The following ABCC9 variants were observed in gnomAD, a reference collection of about 807,000 sequenced individuals.
ABCC9 encodes the protein ATP-binding cassette sub-family C member 9.
In ABCC9, 95 loss-of-function variants were observed where a neutral mutation model predicts 188.3. The observed-to-expected ratio is 0.50, with a 90% CI of 0.43 to 0.60. The LOEUF is 0.60. Ranked by LOEUF, ABCC9 falls within the 20% of genes least tolerant of loss-of-function variation. The probability of loss-of-function intolerance (pLI) is 0.00; values close to 1 mark genes in which losing one functional copy is unlikely to be tolerated. For synonymous variants in ABCC9, 659 were observed against 652.7 expected, an observed-to-expected ratio of 1.01 and a Z score of -0.15; for missense variants, 1,102 against 1,876.3, an observed-to-expected ratio of 0.59 and a Z score of 7.62.
intron 5 of ABCC9, chr12:21,923,685 A>G: frequency 3.4e-6 from 2 of 589,350 alleles, no homozygotes; most frequent in Non-Finnish European, 6.0e-6. Flanking sequence ...ATAAAAAATG[A>G]TACAAACATT....
intron 4 of ABCC9, among the ~76,000 whole-genome samples, chr12:21,929,957 A>G (rs897181169): frequency 2.0e-5 from 3 of 150,332 alleles, no homozygotes; most frequent in African/African-American, 4.9e-5. Context: ...TACATTAGGT[A>G]TATCTCCTAA....
chr12:21,848,344 C>T (rs1944790614), intron 24 of ABCC9, 98 bp from the exon 25 acceptor site: 5 of 1,077,480 alleles, frequency 4.6e-6, no homozygotes. Flanking sequence ...GTTACCTTTA[C>T]CAATCTCAAG....
chr12:21,898,999 C>T (rs138197122), intron 12 of ABCC9, among the ~76,000 whole-genome samples: 25 of 152,270 alleles, frequency 1.6e-4, no homozygotes, highest in East Asian at 1.4e-3. Context: ...AATATCACAT[C>T]ATAAGCTCCC....
At chr12:21,810,060 T>G in intron 36 of ABCC9, 105 bp from the exon 37 acceptor site, 1 of 764,244 alleles carries the variant, frequency 1.3e-6, no homozygotes, top group Non-Finnish European at 2.2e-6. Context: ...TCCATTTGTT[T>G]TGGTTACTGC....
intron 3 of ABCC9, 96 bp from the exon 4 acceptor site, chr12:21,934,019 G>A: frequency 3.0e-6 from 4 of 1,344,514 alleles, no homozygotes; most frequent in South Asian, 2.5e-5. Flanking sequence ...TAAGGCAGGG[G>A]TGGGGGGGTC....
chr12:21,878,528 G>A (rs1456072907), intron 16 of ABCC9, among the ~76,000 whole-genome samples: 4 of 152,180 alleles, frequency 2.6e-5, no homozygotes, highest in Non-Finnish European at 5.9e-5. Flanking sequence ...ATACTGGATA[G>A]ACTGTGCCCT....
At chr12:21,879,496 G>A (rs1946524677) in intron 16 of ABCC9, among the ~76,000 whole-genome samples, 1 of 152,116 alleles carries the variant, frequency 6.6e-6, no homozygotes, top group African/African-American at 2.4e-5. Context: ...TTTCCTCTTG[G>A]GGTGATGAAA....
chr12:21,853,229 G>A (rs1194845268), intron 22 of ABCC9, among the ~76,000 whole-genome samples: 7 of 151,984 alleles, frequency 4.6e-5, no homozygotes, highest in African/African-American at 7.3e-5. Flanking sequence ...CCGGAGAATC[G>A]CCTGAACCCA....
chr12:21,896,844 A>G (rs903074409), intron 12 of ABCC9, among the ~76,000 whole-genome samples: 6 of 152,116 alleles, frequency 3.9e-5, no homozygotes, highest in African/African-American at 1.2e-4. Context: ...GATTGATTCC[A>G]TGTCTTTGCT....
chr12:21,940,355 A>G (rs552728839), intron 2 of ABCC9, among the ~76,000 whole-genome samples: 70 of 152,362 alleles, frequency 4.6e-4, no homozygotes, highest in Admixed American at 1.0e-3. Flanking sequence ...GGGCTTTATC[A>G]TCATCTAGAG....
chr12:21,925,638 C>T (rs1368947833), intron 5 of ABCC9: 13 of 647,980 alleles, frequency 2.0e-5, no homozygotes, highest in Non-Finnish European at 3.6e-5. Context: ...AATACAACTT[C>T]TGCAAGCCAG....
intron 30 of ABCC9, 32 bp from the exon 31 acceptor site, chr12:21,829,092 A>G: frequency 6.7e-7 from 1 of 1,501,924 alleles, no homozygotes; most frequent in African/African-American, 1.4e-5. Context: ...TGTTAACCAC[A>G]CAACAGGAGA....
At chr12:21,882,019 G>A (rs1283686105) in intron 16 of ABCC9, among the ~76,000 whole-genome samples, 1 of 152,106 alleles carries the variant, frequency 6.6e-6, no homozygotes, top group African/African-American at 2.4e-5. Context: ...TATTGTGTCA[G>A]GTGTCAAGGA....
chr12:21,882,802 A>G lies in ABCC9; in HGVS notation c.1983T>C (p.Arg661=). 6.2e-7 allele frequency: 1 copy of G among 1,614,030 alleles called. No homozygotes were observed. Among genetic ancestry groups the G allele is most frequent in the Non-Finnish European group, 8.5e-7 (1 of 1,179,898 alleles). The change falls in exon 16 of 40, where the codon CGT becomes CGC. Residue 661 remains arginine, a synonymous_variant. Coordinates refer to ENST00000261200, the MANE Select transcript of ABCC9 (RefSeq NM_020297.4). The part of the protein sequence containing the change: ...HLDSYEQSTR[R]LRPAETEDIA... ...TGTCCTCTGTTTCTGCGGGACGTAGACGCCGTGTTGATTGCTCATAGCTGT... is the reference window on the plus strand; with the variant it reads ...TGTCCTCTGTTTCTGCGGGACGTAGGCGCCGTGTTGATTGCTCATAGCTGT...
At chr12:21,805,370 A>C in intron 39 of ABCC9, 1 of 1,541,540 alleles carries the variant, frequency 6.5e-7, no homozygotes, top group Non-Finnish European at 8.9e-7. Context: ...CAAGTGACTC[A>C]TTAAAAAATA....
intron 22 of ABCC9, among the ~76,000 whole-genome samples, chr12:21,858,772 T>G (rs1181131937): frequency 6.6e-6 from 1 of 152,138 alleles, no homozygotes; most frequent in Non-Finnish European, 1.5e-5. Context: ...ACCAACTTAC[T>G]TTTTCAAGAG....
chr12:21,814,573 A>T, intron 35 of ABCC9, 71 bp downstream of exon 35: 1 of 1,270,024 alleles, frequency 7.9e-7, no homozygotes, highest in Non-Finnish European at 1.1e-6. Flanking sequence ...TTTCTGCAGG[A>T]TTAGGTAAAT....
At chr12:21,890,771 G>C (rs1047984138) in intron 14 of ABCC9, among the ~76,000 whole-genome samples, 2 of 150,036 alleles carry the variant, frequency 1.3e-5, no homozygotes, top group Non-Finnish European at 3.0e-5. Context: ...ATTGAACAAT[G>C]AGAACACATG....
intron 5 of ABCC9, among the ~76,000 whole-genome samples, chr12:21,919,809 A>T (rs1948734059): frequency 6.6e-6 from 1 of 152,056 alleles, no homozygotes; most frequent in Non-Finnish European, 1.5e-5. Context: ...GAAGAAAGGA[A>T]TTACAAGAAA....
Sources: allele counts gnomAD v4.1 joint callset (sites outside exome capture counted in the v4.1 genomes callset), GRCh38; gene constraint gnomAD v4.1.1; transcripts MANE v1.5; gene names NCBI Gene and HGNC (gene_info 2026-07-23, HGNC 2026-07-21).